The following ZNF536 variants were observed in gnomAD, a reference collection of about 807,000 sequenced individuals.
The protein encoded by ZNF536 is zinc finger protein 536.
In ZNF536, 13 loss-of-function variants were observed where a neutral mutation model predicts 84.5. The observed-to-expected ratio is 0.15, with a 90% CI of 0.10 to 0.24. The LOEUF is 0.24. Ranked by LOEUF, ZNF536 falls within the 10% of genes least tolerant of loss-of-function variation. The probability of loss-of-function intolerance (pLI) is 1.00; values close to 1 mark genes in which losing one functional copy is unlikely to be tolerated. For missense variants in ZNF536, 1,536 were observed against 1,747.5 expected, an observed-to-expected ratio of 0.88 and a Z score of 2.16; for synonymous variants, 811 against 742.5, an observed-to-expected ratio of 1.09 and a Z score of -1.50.
At chr19:30,632,322 C>T (rs1166484534) in intron 1 of ZNF536, among the ~76,000 whole-genome samples, 1 of 152,138 alleles carries the variant, frequency 6.6e-6, no homozygotes, top group Non-Finnish European at 1.5e-5. Flanking sequence ...AACCAGAAGT[C>T]CAGCCAGGTG....
At chr19:30,508,816 CTTTCTTT>C (rs1216847144) in intron 2 of ZNF536, among the ~76,000 whole-genome samples, 8 of 113,982 alleles carry the variant, frequency 7.0e-5, no homozygotes, top group African/African-American at 2.7e-4. Context: ...TTCTTTCTTT[CTTTCTTT>C]TTTTTTTTTT....
chr19:30,489,266 T>C (rs558243864), intron 2 of ZNF536, among the ~76,000 whole-genome samples: 13 of 152,194 alleles, frequency 8.5e-5, no homozygotes, highest in Non-Finnish European at 1.5e-4. Flanking sequence ...CAATCATGCA[T>C]TGAAGAATAA....
At chr19:30,470,536 G>A (rs2053589524) in intron 2 of ZNF536, among the ~76,000 whole-genome samples, 1 of 150,488 alleles carries the variant, frequency 6.6e-6, no homozygotes, top group South Asian at 2.1e-4. Flanking sequence ...CAGAAACATT[G>A]AGTGGAAAGT....
intron 1 of ZNF536, among the ~76,000 whole-genome samples, chr19:30,387,377 G>A (rs2049386269): frequency 6.6e-6 from 1 of 152,188 alleles, no homozygotes; most frequent in Non-Finnish European, 1.5e-5. Flanking sequence ...CTGTGGGCTG[G>A]GCCCCAAAGA....
intron 1 of ZNF536, among the ~76,000 whole-genome samples, chr19:30,378,044 A>G (rs2048883930): frequency 6.6e-6 from 1 of 152,138 alleles, no homozygotes; most frequent in Admixed American, 6.5e-5. Flanking sequence ...GGCCTTGCTG[A>G]TGGTCTCAAC....
At chr19:30,239,175 A>G (rs4804922) in intron 1 of ZNF536, among the ~76,000 whole-genome samples, 55,789 of 152,098 alleles carry the variant, frequency 0.37, 10,822 homozygotes, top group East Asian at 0.62. Context: ...GCAAGCCTCC[A>G]TCTTCCCCGG....
chr19:30,298,940 A>G (rs12984933), intron 2 of ZNF536, among the ~76,000 whole-genome samples: 49,618 of 152,094 alleles, frequency 0.33, 10,676 homozygotes, highest in Non-Finnish European at 0.48. Flanking sequence ...AGTCCCTCCA[A>G]TTCTGAAGTT....
At chr19:30,629,610 A>G (rs2048815445) in intron 1 of ZNF536, among the ~76,000 whole-genome samples, 1 of 152,214 alleles carries the variant, frequency 6.6e-6, no homozygotes, top group Non-Finnish European at 1.5e-5. Flanking sequence ...AAGGTTACAG[A>G]GCTGGTGAAT....
chr19:30,671,844 C>A (rs1164644920), intron 1 of ZNF536, among the ~76,000 whole-genome samples: 1 of 152,210 alleles, frequency 6.6e-6, no homozygotes, highest in Non-Finnish European at 1.5e-5. Context: ...CCTTGCTTGG[C>A]AAGATCCCTG....
At chr19:30,226,456 C>CTT (rs1271607195), upstream of ZNF536, among the ~76,000 whole-genome samples, 279 of 151,988 alleles carry the variant, frequency 1.8e-3, 1 homozygote, top group Middle Eastern at 0.024. This position sits in a 1 kb window ranked among gnomAD's most constrained non-coding sequence, Gnocchi z 4.6. Flanking sequence ...TTGCGGGCGC[C>CTT]GAGAGCCGCT....
At chr19:30,271,184 G>T (rs1295424076) in intron 1 of ZNF536, among the ~76,000 whole-genome samples, 1 of 152,112 alleles carries the variant, frequency 6.6e-6, no homozygotes, top group Non-Finnish European at 1.5e-5. Context: ...TATGCCAGGA[G>T]AGGAAAGGCC....
intron 1 of ZNF536, among the ~76,000 whole-genome samples, chr19:30,673,516 A>G (rs2050639307): frequency 6.6e-6 from 1 of 152,270 alleles, no homozygotes; most frequent in Non-Finnish European, 1.5e-5. Flanking sequence ...CTGCCACGGG[A>G]CTGGCACATA....
At chr19:30,322,450 A>G (rs889674927) in intron 2 of ZNF536, among the ~76,000 whole-genome samples, 1 of 152,072 alleles carries the variant, frequency 6.6e-6, no homozygotes, top group East Asian at 1.9e-4. Flanking sequence ...TCACAAACCC[A>G]TCTCTGTTTC....
intron 1 of ZNF536, among the ~76,000 whole-genome samples, chr19:30,632,039 C>T (rs1444596888): frequency 6.6e-6 from 1 of 152,168 alleles, no homozygotes; most frequent in African/African-American, 2.4e-5. Context: ...AGCCCATAGG[C>T]GTTACATTTA....
chr19:30,660,338 A>G (rs2050080259), intron 1 of ZNF536, among the ~76,000 whole-genome samples: 1 of 152,172 alleles, frequency 6.6e-6, no homozygotes, highest in African/African-American at 2.4e-5. Flanking sequence ...TTCACCTAAG[A>G]GCTGTCACAA....
At chr19:30,483,023 A>G (rs2054151405) in intron 2 of ZNF536, among the ~76,000 whole-genome samples, 1 of 152,194 alleles carries the variant, frequency 6.6e-6, no homozygotes, top group South Asian at 2.1e-4. Context: ...TTTGGGGTCC[A>G]GAAGTCCTGG....
intron 1 of ZNF536, among the ~76,000 whole-genome samples, chr19:30,661,534 A>G (rs2050122710): frequency 6.6e-6 from 1 of 152,358 alleles, no homozygotes. Context: ...TCAAATAGGT[A>G]TAAAATGTGT....
At chr19:30,387,510 G>A (rs1464617504) in intron 1 of ZNF536, among the ~76,000 whole-genome samples, 1 of 152,138 alleles carries the variant, frequency 6.6e-6, no homozygotes, top group Non-Finnish European at 1.5e-5. Context: ...CACTTACCAC[G>A]AGCTTGGCTT....
At chr19:30,280,357 A>C in intron 1 of ZNF536, among the ~76,000 whole-genome samples, 1 of 148,284 alleles carries the variant, frequency 6.7e-6, no homozygotes. Context: ...TTCCATTCCC[A>C]TCCTCCCGTC....
Sources: allele counts gnomAD v4.1 joint callset (sites outside exome capture counted in the v4.1 genomes callset), GRCh38; gene constraint gnomAD v4.1.1; non-coding constraint Gnocchi (gnomAD v3.1); transcripts MANE v1.5; gene names NCBI Gene and HGNC (gene_info 2026-07-23, HGNC 2026-07-21).